Variants in PPFIA2 observed in about 807,000 individuals in gnomAD.
PPFIA2 encodes the protein liprin-alpha-2.
A neutral mutation model predicts 175.5 loss-of-function variants in PPFIA2; 46 were observed. That is an observed-to-expected ratio of 0.26 (90% CI 0.21 to 0.34). The LOEUF is 0.34. Among genes scored for constraint, PPFIA2 ranks in the 10% least tolerant of loss-of-function variants. PPFIA2 has a pLI of 1.00. For synonymous variants in PPFIA2, 568 were observed against 511.4 expected, an observed-to-expected ratio of 1.11 and a Z score of -1.49; for missense variants, 1,179 against 1,506.1, an observed-to-expected ratio of 0.78 and a Z score of 3.60.
At chr12:81,624,867 T>G (rs1468020844) in intron 4 of PPFIA2, among the ~76,000 whole-genome samples, 1 of 151,004 alleles carries the variant, frequency 6.6e-6, no homozygotes, top group African/African-American at 2.4e-5. Context: ...AACTACACAT[T>G]AGGTACAGTG....
At chr12:81,663,193 A>G (rs1438578382) in intron 4 of PPFIA2, among the ~76,000 whole-genome samples, 1 of 152,202 alleles carries the variant, frequency 6.6e-6, no homozygotes, top group African/African-American at 2.4e-5. Context: ...GGCCAGGGCA[A>G]TCAGGCAGGA....
At chr12:81,395,564 CT>C (rs2040970754) in intron 8 of PPFIA2, among the ~76,000 whole-genome samples, 1 of 151,970 alleles carries the variant, frequency 6.6e-6, no homozygotes. Context: ...CTCTCTCTCT[CT>C]CTGGAATTTC....
intron 24 of PPFIA2, among the ~76,000 whole-genome samples, chr12:81,286,915 C>A (rs2043584744): frequency 6.6e-6 from 1 of 151,788 alleles, no homozygotes; most frequent in African/African-American, 2.4e-5. Flanking sequence ...CTTAAAAGTC[C>A]CTTCCTTGTA....
At chr12:81,548,612 C>G (rs2067365783) in intron 4 of PPFIA2, among the ~76,000 whole-genome samples, 1 of 152,098 alleles carries the variant, frequency 6.6e-6, no homozygotes, top group Admixed American at 6.6e-5. Flanking sequence ...GAACTATAGA[C>G]ATGCACCATC....
At chr12:81,585,756 C>T (rs1211940371) in intron 4 of PPFIA2, among the ~76,000 whole-genome samples, 1 of 151,874 alleles carries the variant, frequency 6.6e-6, no homozygotes, top group Admixed American at 6.6e-5. Context: ...TAGAAGTACA[C>T]TCCAAAATAT....
intron 4 of PPFIA2, chr12:81,471,421 C>T (rs934105273): frequency 6.7e-6 from 1 of 150,308 alleles, no homozygotes; most frequent in Admixed American, 6.7e-5. Flanking sequence ...GCTTCAGCCT[C>T]CCAAAGTGCT....
intron 3 of PPFIA2, among the ~76,000 whole-genome samples, chr12:81,682,192 A>G (rs1221517323): frequency 1.3e-5 from 2 of 152,028 alleles, no homozygotes; most frequent in Non-Finnish European, 2.9e-5. Context: ...TTGATCCAAT[A>G]TGACTGGTTG....
intron 5 of PPFIA2, among the ~76,000 whole-genome samples, chr12:81,451,233 C>T (rs1390296787): frequency 1.3e-5 from 2 of 152,046 alleles, no homozygotes; most frequent in Non-Finnish European, 2.9e-5. Flanking sequence ...CTGTTACCAT[C>T]TTTTACCCAT....
chr12:81,437,973 T>C (rs2049398272), intron 7 of PPFIA2, among the ~76,000 whole-genome samples: 1 of 151,780 alleles, frequency 6.6e-6, no homozygotes, highest in African/African-American at 2.4e-5. Context: ...TTTACTAAGC[T>C]GAATCTGGTC....
At chr12:81,315,579 T>C (rs2052139060) in intron 22 of PPFIA2, among the ~76,000 whole-genome samples, 1 of 151,694 alleles carries the variant, frequency 6.6e-6, no homozygotes, top group African/African-American at 2.4e-5. Flanking sequence ...GATGCTTGAA[T>C]TGGTAAGTTT....
At chr12:81,477,365 A>G (rs917257645) in intron 4 of PPFIA2, among the ~76,000 whole-genome samples, 1 of 152,122 alleles carries the variant, frequency 6.6e-6, no homozygotes. Context: ...TTGACAGAGA[A>G]TGATTATGAA....
intron 4 of PPFIA2, chr12:81,535,589 G>A: frequency 2.7e-6 from 1 of 375,810 alleles, no homozygotes; most frequent in South Asian, 2.0e-5. Context: ...CCTTGGCAAG[G>A]GAGGAAGGAA....
chr12:81,481,715 C>T (rs2058249132), intron 4 of PPFIA2, among the ~76,000 whole-genome samples: 1 of 152,132 alleles, frequency 6.6e-6, no homozygotes, highest in African/African-American at 2.4e-5. Context: ...TGGACCACTT[C>T]CTTACAACTC....
At chr12:81,270,035 T>C (rs980717384) in intron 28 of PPFIA2, among the ~76,000 whole-genome samples, 3 of 152,178 alleles carry the variant, frequency 2.0e-5, no homozygotes, top group African/African-American at 7.2e-5. Flanking sequence ...CTTGTTCATG[T>C]AACCTAACAC....
chr12:81,717,705 T>G (rs1282513027), intron 3 of PPFIA2, among the ~76,000 whole-genome samples: 1 of 151,672 alleles, frequency 6.6e-6, no homozygotes, highest in Non-Finnish European at 1.5e-5. Context: ...CAATAGTGAA[T>G]GAAAGAAACA....
Position 81,682,564 on chromosome 12 carries a change from G to A in PPFIA2, c.250-5720C>T, listed in dbSNP as rs192939782. Among the ~76,000 whole-genome samples, 5 of 152,066 alleles carry A rather than the reference G, an allele frequency of 3.3e-5. No homozygotes were observed. In the East Asian group the frequency reaches 9.7e-4, roughly 29 times the overall value. On this transcript the variant is annotated intron_variant, in intron 3 of 32. Transcript: ENST00000549396. ...AAGTCAGTATCAGTGGAATCAATGT[G>A]AAATAGTAAAATGACCATTTCTGTC...
At chr12:81,589,623 T>C (rs1341990050) in intron 4 of PPFIA2, among the ~76,000 whole-genome samples, 1 of 152,148 alleles carries the variant, frequency 6.6e-6, no homozygotes, top group Non-Finnish European at 1.5e-5. Flanking sequence ...CTTTTGTTGC[T>C]GCATGTAATA....
At chr12:81,677,155 C>T (rs1049544169) in intron 3 of PPFIA2, among the ~76,000 whole-genome samples, 3 of 151,720 alleles carry the variant, frequency 2.0e-5, no homozygotes, top group African/African-American at 4.8e-5. Context: ...TTCAGTTTAA[C>T]GTACTATTTT....
chr12:81,636,202 C>T (rs2063992642), intron 4 of PPFIA2, among the ~76,000 whole-genome samples: 2 of 151,662 alleles, frequency 1.3e-5, no homozygotes, highest in African/African-American at 4.9e-5. Flanking sequence ...ACATTAATCT[C>T]TATTGGCGCC....
Sources: gnomAD v4.1 joint callset for allele counts (sites outside exome capture counted in the v4.1 genomes callset) on GRCh38, gnomAD v4.1.1 for gene constraint, MANE v1.5 for transcripts, NCBI Gene and HGNC (gene_info 2026-07-23, HGNC 2026-07-21) for gene names.